The following RASA2 variants were observed in gnomAD, a reference collection of about 807,000 sequenced individuals.
The protein encoded by RASA2 is ras GTPase-activating protein 2.
In RASA2, 155 loss-of-function variants were observed where a neutral mutation model predicts 118.2. The ratio of observed to expected loss-of-function variants is 1.31; its 90% CI spans 1.15 to 1.50. The LOEUF is 1.50. Among genes scored for constraint, RASA2 ranks in the 40% most tolerant of loss-of-function variants. The pLI is 0.00. For missense variants in RASA2, 1,016 were observed against 1,009.6 expected, an observed-to-expected ratio of 1.01 and a Z score of -0.09; for synonymous variants, 353 against 349.1, an observed-to-expected ratio of 1.01 and a Z score of -0.12.
Position 141,610,033 on chromosome 3 carries a change from A to G in RASA2, c.2486A>G (p.Lys829Arg). Reference protein sequence around the residue: ...KLDEPHEKYRKKRSSSAKYGS... With the variant: ...KLDEPHEKYRRKRSSSAKYGS... ...GATGAACCTCATGAAAAATATAGGA[A>G]GAAAAGATCCAGTAGTGCAAAATAT... is the stretch of plus-strand genomic sequence containing the variant. Residue 829 changes from lysine (K) to arginine (R), a missense_variant, in exon 23 of 24, where the codon AAG becomes AGG. Lys to Arg is a conservative substitution (Grantham distance 26). This residue lies in a region of RASA2 where 120 missense variants were observed against 173.2 expected (regional missense o/e 0.69). Transcript: ENST00000286364. 6.2e-7 allele frequency: 1 copy of G among 1,603,090 alleles called. No individual in the cohort carries two copies. Among genetic ancestry groups the G allele is most frequent in the Non-Finnish European group, 8.5e-7 (1 of 1,175,388 alleles).
At chr3:141,503,810 G>A (rs1417628552) in intron 1 of RASA2, among the ~76,000 whole-genome samples, 1 of 152,136 alleles carries the variant, frequency 6.6e-6, no homozygotes, top group Non-Finnish European at 1.5e-5. Flanking sequence ...ATATTTGAAT[G>A]TGTGAACTTC....
intron 5 of RASA2, among the ~76,000 whole-genome samples, chr3:141,549,617 A>T (rs533498221): frequency 6.6e-6 from 1 of 152,292 alleles, no homozygotes; most frequent in African/African-American, 2.4e-5. Context: ...ATGTGTGGAT[A>T]TTGAAAACTT....
chr3:141,490,381 A>T (rs1006431937), intron 1 of RASA2, among the ~76,000 whole-genome samples: 2 of 147,798 alleles, frequency 1.4e-5, no homozygotes, highest in African/African-American at 5.0e-5. Flanking sequence ...GAAAAGAGGG[A>T]TTGGGGCTTC....
At chr3:141,532,517 A>T (rs1057399729) in intron 4 of RASA2, among the ~76,000 whole-genome samples, 2 of 152,144 alleles carry the variant, frequency 1.3e-5, no homozygotes, top group Admixed American at 6.6e-5. Flanking sequence ...TCTTAAGTGG[A>T]GGCTAGATTC....
intron 19 of RASA2, among the ~76,000 whole-genome samples, chr3:141,599,171 TAAAG>T (rs927071790): frequency 6.6e-6 from 1 of 150,434 alleles, no homozygotes; most frequent in Admixed American, 6.6e-5. Context: ...GGAGATAAGG[TAAAG>T]AAAGTCTAAA....
rs947045360 is a variant in RASA2 at position 141,487,983 on chromosome 3, A to G, written c.133+767A>G. Reference sequence around the variant, plus strand: ...CTCAAAACACAATCACCCAGCCCGCACTCAGCCCGCTTAATTCCCTTCCTT... The same window carrying G: ...CTCAAAACACAATCACCCAGCCCGCGCTCAGCCCGCTTAATTCCCTTCCTT... On this transcript the variant is annotated intron_variant, in intron 1 of 23. Coordinates refer to ENST00000286364, the MANE Select transcript of RASA2 (RefSeq NM_006506.5). Among the ~76,000 whole-genome samples the G allele has an allele frequency of 2.6e-5, 4 of 152,260 alleles. No individual in the cohort carries two copies. The Middle Eastern group carries it at 0.014, about 518-fold the overall frequency.
At chr3:141,505,568 C>T (rs2081853009) in intron 1 of RASA2, among the ~76,000 whole-genome samples, 1 of 152,098 alleles carries the variant, frequency 6.6e-6, no homozygotes, top group African/African-American at 2.4e-5. Flanking sequence ...ACTGCTACAG[C>T]ATAATTTGTG....
intron 19 of RASA2, among the ~76,000 whole-genome samples, chr3:141,604,145 G>A (rs1344408588): frequency 6.6e-6 from 1 of 152,040 alleles, no homozygotes; most frequent in East Asian, 1.9e-4. Context: ...TTAATTAGGA[G>A]GTAATGACAA....
chr3:141,493,379 T>C (rs1168743533), intron 1 of RASA2, among the ~76,000 whole-genome samples: 1 of 152,212 alleles, frequency 6.6e-6, no homozygotes, highest in Non-Finnish European at 1.5e-5. Context: ...ACTTGTGCCA[T>C]GGTCTACCTC....
At position 141,608,588 on chromosome 3, in the gene RASA2, T is replaced by C. The variant is rs1005493115; in HGVS notation, c.2116T>C (p.Cys706Arg). The C allele has an allele frequency of 6.2e-7, 1 of 1,614,026 alleles. No homozygotes were observed. The highest frequency in any genetic ancestry group is 8.5e-7 in the Non-Finnish European group (1 of 1,179,920). ...AGACGTACTCTGCAGGGTGAGCCGA[T>C]GCAATCAAAACAGGCTCAGTTTTTA... ...WIDVLCRVSR[C>R]NQNRLSFYHP... Residue 706 changes from cysteine to arginine, a missense_variant, in exon 21 of 24, where the codon TGC (cysteine) becomes CGC (arginine). Physicochemically the swap from Cys to Arg is radical, Grantham distance 180 (BLOSUM62 -3). Around this residue, in one of 2 missense-constraint regions of RASA2, gnomAD observed 120 missense variants for 173.2 expected, o/e 0.69. Coordinates refer to ENST00000286364, the MANE Select transcript of RASA2 (RefSeq NM_006506.5).
At chr3:141,576,611 A>G (rs2083016077) in intron 14 of RASA2, among the ~76,000 whole-genome samples, 1 of 152,262 alleles carries the variant, frequency 6.6e-6, no homozygotes, top group Non-Finnish European at 1.5e-5. Context: ...TTGAAACAAG[A>G]ACCTAAAACT....
At chr3:141,555,713 A>G (rs2082639381) in intron 6 of RASA2, 127 bp from the exon 7 acceptor site, 1 of 720,274 alleles carries the variant, frequency 1.4e-6, no homozygotes, top group African/African-American at 1.8e-5. Flanking sequence ...AGCAATATTT[A>G]AAACTGAATC....
Position 141,612,500 on chromosome 3 carries a change from A to C in RASA2, c.*187A>C. The stretch of plus-strand genomic sequence containing the variant: ...GGAATCCTGGTATTGATGTATTACT[A>C]GAGAATTTAAAGCCCAAGATTCCCT... On this transcript the variant is annotated 3_prime_UTR_variant, in exon 24 of 24. Transcript: ENST00000286364. 5.9e-6 allele frequency: 3 copies of C among 508,464 alleles called. No homozygotes were observed. The South Asian group carries it at 9.2e-5, about 16-fold the overall frequency. 31.5% of individuals were successfully genotyped at this position (508,464 alleles called of 1,614,324 possible).
In RASA2 at chr3:141,516,441, A is replaced by G; in HGVS notation, c.355+10A>G. On this transcript the variant is annotated intron_variant, in intron 3 of 23. Coordinates refer to ENST00000286364, the MANE Select transcript of RASA2 (RefSeq NM_006506.5). ...AGAGATCTCCGTATAGGTATGTACT[A>G]TTCATAATTATCTTTAATCACAATG... The G allele has an allele frequency of 7.2e-7, 1 of 1,397,786 alleles. No individual in the cohort carries two copies. The highest frequency in any genetic ancestry group is 9.4e-7 in the Non-Finnish European group (1 of 1,067,350). 86.6% of individuals were successfully genotyped at this position (1,397,786 alleles called of 1,614,324 possible). A position where few individuals can be genotyped will look rare whatever the true frequency, so the allele number is the denominator to read the frequency against.
At chr3:141,612,225 C>T (rs1279129665) in intron 23 of RASA2, 58 bp from the exon 24 acceptor site, 2 of 1,258,134 alleles carry the variant, frequency 1.6e-6, no homozygotes, top group African/African-American at 1.5e-5. Flanking sequence ...ATATATTTGT[C>T]ACCCTTTAAA....
intron 1 of RASA2, among the ~76,000 whole-genome samples, chr3:141,491,234 C>T (rs1293917349): frequency 6.6e-6 from 1 of 152,170 alleles, no homozygotes; most frequent in East Asian, 1.9e-4. Context: ...TTCTTCTTTA[C>T]TCCACCCCAT....
rs201735612 is a variant in RASA2 at position 141,583,884 on chromosome 3, AC to A, written c.1753-2138del. 7.0e-3 allele frequency among the ~76,000 whole-genome samples: 1,073 copies of A among 152,290 alleles called. 3 individuals are homozygous for A. Among genetic ancestry groups the A allele is most frequent in the Non-Finnish European group, 0.012 (815 of 68,026 alleles). On this transcript the variant is annotated intron_variant, in intron 17 of 23. Coordinates refer to ENST00000286364, the MANE Select transcript of RASA2 (RefSeq NM_006506.5). ...TAAAGGAAAAAGCAAAGAAATGCAG[AC>A]CCTCTCTGAGTTTCTGAGTTTGTAA... is the stretch of plus-strand genomic sequence containing the variant.
At chr3:141,520,135 T>A (rs1180922094) in intron 3 of RASA2, among the ~76,000 whole-genome samples, 2 of 148,454 alleles carry the variant, frequency 1.3e-5, no homozygotes, top group Non-Finnish European at 3.0e-5. Flanking sequence ...TGCCTTAGCC[T>A]CCAAGTAGCT....
At chr3:141,570,724 G>C (rs565291720) in intron 9 of RASA2, among the ~76,000 whole-genome samples, 188 bp from the exon 10 acceptor site, 1 of 152,222 alleles carries the variant, frequency 6.6e-6, no homozygotes, top group African/African-American at 2.4e-5. Context: ...TGTGTTTATA[G>C]CTTTGTAATC....
Sources: allele counts gnomAD v4.1 joint callset (sites outside exome capture counted in the v4.1 genomes callset), GRCh38; gene constraint gnomAD v4.1.1; regional missense constraint gnomAD v4.1.1; transcripts MANE v1.5; gene names NCBI Gene and HGNC (gene_info 2026-07-23, HGNC 2026-07-21).